The following ACP4 variants were observed in gnomAD, a reference collection of about 807,000 sequenced individuals.
ACP4 encodes the protein acid phosphatase 4, also known as testicular acid phosphatase.
ACP4 carries 49 observed loss-of-function variants against 47.3 expected under a neutral mutation model. The observed-to-expected ratio is 1.04, with a 90% CI of 0.82 to 1.32. The LOEUF is 1.32. Among genes scored for constraint, ACP4 ranks in the 40% most tolerant of loss-of-function variants. The pLI, the probability that ACP4 is intolerant of heterozygous loss-of-function variation, is 0.00. For missense variants in ACP4, 594 were observed against 579.3 expected, an observed-to-expected ratio of 1.03 and a Z score of -0.26; for synonymous variants, 299 against 265.3, an observed-to-expected ratio of 1.13 and a Z score of -1.23.
At position 50,792,261 on chromosome 19, in the gene ACP4, A is replaced by G; in HGVS notation, c.569A>G (p.Glu190Gly). Reference sequence around the variant, plus strand: ...ATCCAGGGCTTCCTGAGTCGCCTGGAGAACTTCACGGGACTGTCGCTGGTT... The same window carrying G: ...ATCCAGGGCTTCCTGAGTCGCCTGGGGAACTTCACGGGACTGTCGCTGGTT... ...EGWTGFLSRL[E>G]NFTGLSLVGE... Residue 190 changes from glutamate (E) to glycine (G), a missense_variant, in exon 6 of 11, where the codon GAG becomes GGG. Coordinates refer to ENST00000270593, the MANE Select transcript of ACP4 (RefSeq NM_033068.3). 1 of 1,613,398 alleles carries G rather than the reference A, an allele frequency of 6.2e-7. No individual in the cohort carries two copies. The highest frequency in any genetic ancestry group is 8.5e-7 in the Non-Finnish European group (1 of 1,179,986).
chr19:50,790,942 C>T (rs1260604844), intron 3 of ACP4, 82 bp downstream of exon 3: 1 of 1,351,558 alleles, frequency 7.4e-7, no homozygotes, highest in East Asian at 2.5e-5. Flanking sequence ...TTTGGGCCTC[C>T]ACCTCTGGCC....
chr19:50,791,195 T>C (rs1646238580), intron 3 of ACP4, among the ~76,000 whole-genome samples: 1 of 152,204 alleles, frequency 6.6e-6, no homozygotes, highest in Non-Finnish European at 1.5e-5. Flanking sequence ...CTTGTTGACG[T>C]AACTTGCCCT....
rs774355176 is a variant in ACP4 at position 50,790,435 on chromosome 19, G to A, written c.21G>A (p.Trp7Ter). Residue 7 changes from tryptophan (W) to a stop codon, truncating the protein, a stop_gained, in exon 1 of 11, where the codon TGG becomes TGA. Coordinates refer to ENST00000270593, the MANE Select transcript of ACP4 (RefSeq NM_033068.3). LOFTEE classifies it high-confidence loss of function. ...TGGAAATGGCCGGCCTGGGGTTTTG[G>A]GGCCACCCTGCTGGACCTCTCCTGC... is the stretch of plus-strand genomic sequence containing the variant. MAGLGFWGHPAGPLLLL... is the reference protein window; with the variant it reads MAGLGF 3.1e-6 allele frequency: 5 copies of A among 1,588,024 alleles called. No individual in the cohort carries two copies. The South Asian group carries it at 4.6e-5, about 14-fold the overall frequency.
intron 3 of ACP4, among the ~76,000 whole-genome samples, chr19:50,791,259 T>G (rs1233559295): frequency 1.3e-5 from 2 of 152,174 alleles, no homozygotes; most frequent in African/African-American, 4.8e-5. Flanking sequence ...CTACCTTTTC[T>G]GTCTCCTCCT....
Position 50,792,351 on chromosome 19 carries a change from C to T in ACP4, c.645+14C>T, listed in dbSNP as rs2089517723. On this transcript the variant is annotated intron_variant, in intron 6 of 10. Transcript: ENST00000270593. ...CTCATGTGCCAGGTGAGCCCTGCCCCTTCCCAGCCAAGGGTTTAAGGACAC... is the reference window on the plus strand; with the variant it reads ...CTCATGTGCCAGGTGAGCCCTGCCCTTTCCCAGCCAAGGGTTTAAGGACAC... 4 of 1,612,100 alleles carry T rather than the reference C, an allele frequency of 2.5e-6. No homozygotes were observed. Among genetic ancestry groups the T allele is most frequent in the Non-Finnish European group, 3.4e-6 (4 of 1,179,614 alleles).
At position 50,794,481 on chromosome 19, in the gene ACP4, CAGGGGGCCCTGGGCCTCT is replaced by C. The variant is rs1259535593; in HGVS notation, c.888_905del (p.Gln296_Tyr302delinsHis). On this transcript the variant is annotated inframe_deletion, in exon 9 of 11. Coordinates refer to ENST00000270593, the MANE Select transcript of ACP4 (RefSeq NM_033068.3). ...GCATGACAGCACCCTGCTGGCCCTC[CAGGGGGCCCTGGGCCTCT>C]ATGATGGACACACCCCGCCATATGC... The C allele has an allele frequency of 1.2e-6, 2 of 1,613,406 alleles. No homozygotes were observed. Among genetic ancestry groups the C allele is most frequent in the Non-Finnish European group, 1.7e-6 (2 of 1,179,930 alleles).
In ACP4 at chr19:50,793,584, C is replaced by A. The variant is rs912795197; in HGVS notation, c.646-100C>A. On this transcript the variant is annotated intron_variant, in intron 6 of 10. Transcript: ENST00000270593. ...ATTTCCCAGCCAGATCCAGATCCGG[C>A]CCATGGGGGGACTCAGAAGAGCAGG... is the stretch of plus-strand genomic sequence containing the variant. 17 of 1,504,450 alleles carry A rather than the reference C, an allele frequency of 1.1e-5. No homozygotes were observed. The South Asian group carries it at 1.4e-4, about 12-fold the overall frequency. The allele number at this position is 1,504,450 out of a possible 1,614,324, so 93.2% of individuals were successfully genotyped here.
intron 4 of ACP4, 129 bp downstream of exon 4, chr19:50,791,931 G>A: frequency 6.9e-7 from 1 of 1,455,298 alleles, no homozygotes; most frequent in Admixed American, 2.3e-5. Flanking sequence ...AGACCAGGGT[G>A]AGCCCCGGCC....
At chr19:50,793,586 C>T in intron 6 of ACP4, 98 bp from the exon 7 acceptor site, 7 of 1,512,114 alleles carry the variant, frequency 4.6e-6, no homozygotes, top group Non-Finnish European at 2.7e-6. Context: ...AGATCCGGCC[C>T]ATGGGGGGAC....
chr19:50,793,524 A>C (rs2123291844), intron 6 of ACP4, 160 bp from the exon 7 acceptor site: 2 of 1,125,502 alleles, frequency 1.8e-6, no homozygotes, highest in Admixed American at 2.8e-5. Context: ...CAAAACAAAA[A>C]ACAACAACAA....
chr19:50,791,545 C>T (rs903489967), intron 3 of ACP4, 111 bp from the exon 4 acceptor site: 1 of 1,424,884 alleles, frequency 7.0e-7, no homozygotes, highest in Non-Finnish European at 9.5e-7. Flanking sequence ...ACATGATTCT[C>T]AGTGTCTGAC....
chr19:50,791,922 G>A (rs1269786242), intron 4 of ACP4, 120 bp downstream of exon 4: 24 of 1,465,786 alleles, frequency 1.6e-5, no homozygotes, highest in Non-Finnish European at 2.2e-5. Flanking sequence ...GGTCTGTCCA[G>A]ACCAGGGTGA....
At chr19:50,794,075 T>C in intron 8 of ACP4, 105 bp downstream of exon 8, 1 of 1,351,156 alleles carries the variant, frequency 7.4e-7, no homozygotes, top group Non-Finnish European at 1.0e-6. Flanking sequence ...CTCAGCCCAC[T>C]GCCTGGGGTA....
chr19:50,794,765 C>T lies in ACP4; in HGVS notation c.987-21C>T, dbSNP rs1205225135. 3 of 1,581,448 alleles carry T rather than the reference C, an allele frequency of 1.9e-6. No individual in the cohort carries two copies. The Admixed American group carries it at 5.2e-5, about 27-fold the overall frequency. ...ATCAATGACAGGAGGGAGGAGGTGC[C>T]ACCATGTCCTCTCTCTCCAGGAATG... On this transcript the variant is annotated intron_variant, in intron 9 of 10. Transcript: ENST00000270593.
rs754524181 is a variant in ACP4, at chr19:50,792,300, G to A, written c.608G>A (p.Arg203His). Reference sequence around the variant, plus strand: ...CTGTCGCTGGTTGGAGAGCCACTGCGCAGGGCATGGAAGGTTCTGGACACC... The same window carrying A: ...CTGTCGCTGGTTGGAGAGCCACTGCACAGGGCATGGAAGGTTCTGGACACC... ...TGLSLVGEPLRRAWKVLDTLM... is the reference protein window; with the variant it reads ...TGLSLVGEPLHRAWKVLDTLM... Residue 203 changes from arginine to histidine, a missense_variant, in exon 6 of 11, where the codon CGC (arginine) becomes CAC (histidine). Transcript: ENST00000270593. The A allele has an allele frequency of 2.2e-5, 36 of 1,613,368 alleles. No homozygotes were observed. The highest frequency in any genetic ancestry group is 2.1e-4 in the South Asian group (19 of 91,094).
rs537009638 is a variant in ACP4 at position 50,794,182 on chromosome 19, T to G, written c.861+212T>G. 6.6e-5 allele frequency among the ~76,000 whole-genome samples: 10 copies of G among 152,178 alleles called. 1 individual carries two copies. The East Asian group carries it at 1.9e-3, about 29-fold the overall frequency. On this transcript the variant is annotated intron_variant, in intron 8 of 10. Coordinates refer to ENST00000270593, the MANE Select transcript of ACP4 (RefSeq NM_033068.3). ...AGGAAGAATTTATGAATAAATATAATTCCTTGTTTTCTTTAAGAAACTATG... is the reference window on the plus strand; with the variant it reads ...AGGAAGAATTTATGAATAAATATAAGTCCTTGTTTTCTTTAAGAAACTATG...
At chr19:50,790,988 T>A in intron 3 of ACP4, 128 bp downstream of exon 3, 1 of 900,172 alleles carries the variant, frequency 1.1e-6, no homozygotes, top group Non-Finnish European at 1.7e-6. Flanking sequence ...CCTCTACCTC[T>A]AATCTCTGAC....
intron 3 of ACP4, 95 bp downstream of exon 3, chr19:50,790,955 T>C: frequency 9.6e-6 from 12 of 1,251,570 alleles, no homozygotes; most frequent in Non-Finnish European, 1.3e-5. Flanking sequence ...CTCTGGCCTT[T>C]GACCTCCATC....
chr19:50,794,838 C>A lies in ACP4; in HGVS notation c.1039C>A (p.Pro347Thr). Residue 347 changes from proline to threonine, a missense_variant, in exon 10 of 11, where the codon CCT becomes ACT. Transcript: ENST00000270593. ...CAATGACTCCGCCCACCTGCCCCTGCCTCTCAGCCTCCCCGGGTGCCCGGC... is the reference window on the plus strand; with the variant it reads ...CAATGACTCCGCCCACCTGCCCCTGACTCTCAGCCTCCCCGGGTGCCCGGC... ...YRNDSAHLPL[P>T]LSLPGCPAPC... 1 of 1,613,248 alleles carries A rather than the reference C, an allele frequency of 6.2e-7. No individual in the cohort carries two copies. The highest frequency in any genetic ancestry group is 1.3e-5 in the African/African-American group (1 of 75,054).
Sources: allele counts gnomAD v4.1 joint callset (sites outside exome capture counted in the v4.1 genomes callset), GRCh38; gene constraint gnomAD v4.1.1; transcripts MANE v1.5; gene names NCBI Gene and HGNC (gene_info 2026-07-23, HGNC 2026-07-21).